Variants in STK10 observed in about 807,000 individuals in gnomAD.
STK10 encodes the protein serine/threonine kinase 10, also known as serine/threonine-protein kinase 10.
STK10 carries 78 observed loss-of-function variants against 113.8 expected under a neutral mutation model. The ratio of observed to expected loss-of-function variants is 0.69; its 90% CI spans 0.57 to 0.83. STK10 has a LOEUF of 0.83. Ranked by LOEUF, STK10 falls within the 40% of genes least tolerant of loss-of-function variation. The pLI, the probability that STK10 is intolerant of heterozygous loss-of-function variation, is 0.00. For synonymous variants in STK10, 465 were observed against 494.7 expected (o/e 0.94, Z 0.80); for missense variants, 1,109 against 1,280.1 (o/e 0.87, Z 2.04).
chr5:172,109,264 A>G (rs1769182232), intron 4 of STK10, among the ~76,000 whole-genome samples: 1 of 152,026 alleles, frequency 6.6e-6, no homozygotes, highest in Non-Finnish European at 1.5e-5. Flanking sequence ...GGGTGGTGAG[A>G]CTTCCACACC....
intron 10 of STK10, among the ~76,000 whole-genome samples, chr5:172,084,371 G>A (rs1768502780): frequency 1.3e-5 from 2 of 151,650 alleles, no homozygotes; most frequent in South Asian, 4.1e-4. Flanking sequence ...CTGCACTCCC[G>A]CCTGGGCAAC....
intron 1 of STK10, among the ~76,000 whole-genome samples, chr5:172,168,406 G>A (rs923828265): frequency 6.6e-6 from 1 of 152,188 alleles, no homozygotes; most frequent in Admixed American, 6.5e-5. Flanking sequence ...GTGACCTGAG[G>A]ACAGCAGACA....
chr5:172,081,554 T>C (rs561483204), intron 12 of STK10, among the ~76,000 whole-genome samples: 329 of 152,246 alleles, frequency 2.2e-3, no homozygotes, highest in African/African-American at 7.6e-3. Context: ...CTAAGGTGAC[T>C]GCCTCAACTG....
chr5:172,184,595 G>A (rs764337825), intron 1 of STK10, among the ~76,000 whole-genome samples: 6 of 152,118 alleles, frequency 3.9e-5, no homozygotes, highest in African/African-American at 1.2e-4. Context: ...GGAGGTAGGC[G>A]GAGAGGGCTG....
At chr5:172,058,013 G>A (rs1767847130) in intron 14 of STK10, among the ~76,000 whole-genome samples, 1 of 152,136 alleles carries the variant, frequency 6.6e-6, no homozygotes, top group African/African-American at 2.4e-5. Context: ...CTTGTCTCCT[G>A]CACGTCCCAG....
chr5:172,043,955 C>T lies in STK10; in HGVS notation c.*927G>A. On this transcript the variant is annotated 3_prime_UTR_variant, in exon 19 of 19. Coordinates refer to ENST00000176763, the MANE Select transcript of STK10 (RefSeq NM_005990.4). The stretch of plus-strand genomic sequence containing the variant: ...ATGGAGCAGACTGGGTTGTGGAAGC[C>T]TCGTGTGCTGAGGAATCAGTCCCTG... The T allele has an allele frequency of 6.6e-6, 1 of 152,446 alleles. No individual in the cohort carries two copies. Among genetic ancestry groups the T allele is most frequent in the Non-Finnish European group, 1.5e-5 (1 of 68,120 alleles). The allele number at this position is 152,446 out of a possible 1,614,324, so 9.4% of individuals were successfully genotyped here.
intron 2 of STK10, among the ~76,000 whole-genome samples, chr5:172,154,660 A>T (rs1005103852): frequency 6.6e-6 from 1 of 152,248 alleles, no homozygotes; most frequent in Non-Finnish European, 1.5e-5. Flanking sequence ...GCACCAGCCT[A>T]AAGTGACAAT....
intron 15 of STK10, 108 bp downstream of exon 15, chr5:172,057,241 T>C: frequency 1.3e-6 from 2 of 1,482,124 alleles, no homozygotes; most frequent in South Asian, 1.2e-5. Flanking sequence ...TTGGGGGCAC[T>C]TGTCATCCAA....
rs771277632 is a variant in STK10, at chr5:172,117,527, C to T, written c.474G>A (p.Leu158=). Residue 158 remains leucine, a synonymous_variant, in exon 4 of 19, where the codon CTG becomes CTA. Coordinates refer to ENST00000176763, the MANE Select transcript of STK10 (RefSeq NM_005990.4). ...LHSKRIIHRD[L]KAGNVLMTLE... The stretch of plus-strand genomic sequence containing the variant: ...GGGTCATCAGCACGTTGCCAGCTTT[C>T]AGATCTCGGTGGATGATCCTCTTGC... 3.1e-6 allele frequency: 5 copies of T among 1,613,396 alleles called. No homozygotes were observed. The highest frequency in any genetic ancestry group is 3.4e-6 in the Non-Finnish European group (4 of 1,180,004).
intron 12 of STK10, among the ~76,000 whole-genome samples, chr5:172,075,566 A>G (rs1581142463): frequency 6.6e-6 from 1 of 152,204 alleles, no homozygotes; most frequent in South Asian, 2.1e-4. Flanking sequence ...AGTCCCAGCT[A>G]CTCGGGAGGC....
intron 2 of STK10, among the ~76,000 whole-genome samples, chr5:172,155,992 C>T (rs1437740326): frequency 6.7e-6 from 1 of 149,468 alleles, no homozygotes; most frequent in Admixed American, 6.6e-5. Flanking sequence ...GAGGCTCCAT[C>T]TCAAAAAAAA....
chr5:172,131,087 G>C (rs13153413), intron 2 of STK10, among the ~76,000 whole-genome samples: 1 of 139,220 alleles, frequency 7.2e-6, no homozygotes, highest in Non-Finnish European at 1.5e-5. Flanking sequence ...AGGCTGGAGT[G>C]CAGTGGCGCG....
intron 1 of STK10, among the ~76,000 whole-genome samples, chr5:172,174,791 G>A (rs147058830): frequency 2.9e-3 from 447 of 152,172 alleles, no homozygotes; most frequent in African/African-American, 0.01. Flanking sequence ...ACCCGCCAGC[G>A]CAATGGCAAT....
At chr5:172,167,300 C>T (rs948587098) in intron 1 of STK10, among the ~76,000 whole-genome samples, 6 of 151,834 alleles carry the variant, frequency 4.0e-5, no homozygotes, top group African/African-American at 9.7e-5. Flanking sequence ...TATTAAGTAA[C>T]CCTTAAATGA....
At chr5:172,088,791 C>G (rs1323256478) in intron 10 of STK10, among the ~76,000 whole-genome samples, 2 of 152,216 alleles carry the variant, frequency 1.3e-5, no homozygotes, top group African/African-American at 4.8e-5. Context: ...ACTGGAAGAC[C>G]CAGGGCAAGT....
At chr5:172,149,969 C>T (rs969266212) in intron 2 of STK10, among the ~76,000 whole-genome samples, 3 of 149,646 alleles carry the variant, frequency 2.0e-5, no homozygotes, top group Admixed American at 1.3e-4. Flanking sequence ...ATCGCTTGAA[C>T]CCAGGAGGCA....
chr5:172,117,556 G>A lies in STK10; in HGVS notation c.445C>T (p.His149Tyr). ...TCTCGGTGGATGATCCTCTTGCTGT[G>A]CAGGAAGTTGAGGGCTTCTAGCATC... ...RQMLEALNFL[H>Y]SKRIIHRDLK... is the part of the protein sequence containing the mutation. Residue 149 changes from histidine (H) to tyrosine (Y), a missense_variant, in exon 4 of 19, where the codon CAC becomes TAC. His to Tyr is a moderately conservative substitution (Grantham distance 83). Around this residue, in one of 5 missense-constraint regions of STK10, gnomAD observed 120 missense variants for 134.8 expected, o/e 0.89. Transcript: ENST00000176763. 6.2e-7 allele frequency: 1 copy of A among 1,613,258 alleles called. No homozygotes were observed. Among genetic ancestry groups the A allele is most frequent in the East Asian group, 2.2e-5 (1 of 44,816 alleles).
In STK10 at chr5:172,045,482, TCAAAAA is replaced by T. The variant is rs764612883; in HGVS notation, c.2767-466_2767-461del. Reference sequence around the variant, plus strand: ...TTGGGCGACGGTGCGAGACTCCATCTCAAAAACAAAAACAAAAACAAAAACAAAATA... The same window carrying T: ...TTGGGCGACGGTGCGAGACTCCATCTCAAAAACAAAAACAAAAACAAAATA... On this transcript the variant is annotated intron_variant, in intron 18 of 18. Transcript: ENST00000176763. The T allele has an allele frequency of 1.5e-4, 66 of 447,150 alleles. No homozygotes were observed. The East Asian group carries it at 2.5e-3, about 17-fold the overall frequency. The allele number at this position is 447,150 out of a possible 1,614,324, so 27.7% of individuals were successfully genotyped here.
chr5:172,151,284 G>A (rs1383352598), intron 2 of STK10, among the ~76,000 whole-genome samples: 1 of 152,158 alleles, frequency 6.6e-6, no homozygotes, highest in Non-Finnish European at 1.5e-5. Flanking sequence ...GCAGGCAGGA[G>A]ACGGATTGCG....
Sources: gnomAD v4.1 joint callset for allele counts (sites outside exome capture counted in the v4.1 genomes callset) on GRCh38, gnomAD v4.1.1 for gene constraint, gnomAD v4.1.1 regional missense constraint, MANE v1.5 for transcripts, NCBI Gene and HGNC (gene_info 2026-07-23, HGNC 2026-07-21) for gene names.